Variants in SELENOI observed in about 807,000 individuals in gnomAD.
SELENOI encodes ethanolaminephosphotransferase 1.
Under a neutral mutation model 50.7 loss-of-function variants are expected in SELENOI, and 24 were observed. The ratio of observed to expected loss-of-function variants is 0.47; its 90% confidence interval spans 0.34 to 0.67. The LOEUF is 0.67. Ranked by LOEUF, SELENOI falls within the 30% of genes least tolerant of loss-of-function variation. SELENOI has a pLI of 0.01. For synonymous variants in SELENOI, 155 were observed against 170.2 expected, an observed-to-expected ratio of 0.91 and a Z score of 0.70; for missense variants, 352 against 461.4, an observed-to-expected ratio of 0.76 and a Z score of 2.17.
intron 1 of SELENOI, among the ~76,000 whole-genome samples, chr2:26,349,671 T>TG (rs1676910892): frequency 3.0e-4 from 1 of 3,384 alleles, no homozygotes; most frequent in South Asian, 0.021. Context: ...TGCAAGTTGG[T>TG]TTTTTTTTTT....
chr2:26,371,865 A>G (rs1293730349), intron 4 of SELENOI, among the ~76,000 whole-genome samples: 3 of 149,604 alleles, frequency 2.0e-5, no homozygotes, highest in African/African-American at 7.7e-5. Flanking sequence ...GAGGGAAACC[A>G]TGGGGAGAGG....
chr2:26,358,454 A>G (rs564192458), intron 1 of SELENOI, among the ~76,000 whole-genome samples: 2 of 152,298 alleles, frequency 1.3e-5, no homozygotes, highest in South Asian at 4.1e-4. Flanking sequence ...TCCTGGGCTC[A>G]AGTGATTCCC....
At chr2:26,353,136 G>A (rs1293819896) in intron 1 of SELENOI, among the ~76,000 whole-genome samples, 1 of 152,144 alleles carries the variant, frequency 6.6e-6, no homozygotes, top group African/African-American at 2.4e-5. Flanking sequence ...TCAGGTTCTG[G>A]TAGGATGACT....
intron 6 of SELENOI, among the ~76,000 whole-genome samples, chr2:26,382,668 C>T (rs1483677746): frequency 2.6e-5 from 4 of 151,978 alleles, no homozygotes; most frequent in East Asian, 3.9e-4. Flanking sequence ...AACCAGTGTG[C>T]GAATGGAAGT....
intron 9 of SELENOI, among the ~76,000 whole-genome samples, chr2:26,387,730 A>T (rs1299163225): frequency 2.6e-5 from 4 of 151,946 alleles, no homozygotes; most frequent in Non-Finnish European, 4.4e-5. Flanking sequence ...GAAAGAAAAA[A>T]AATGTTGGCA....
intron 1 of SELENOI, among the ~76,000 whole-genome samples, chr2:26,359,013 G>C (rs916457971): frequency 6.6e-6 from 1 of 152,176 alleles, no homozygotes; most frequent in Non-Finnish European, 1.5e-5. Context: ...ATTGTCTGAA[G>C]CAGGGGTTGT....
intron 1 of SELENOI, 68 bp downstream of exon 1, chr2:26,346,357 C>A: frequency 6.6e-7 from 1 of 1,510,548 alleles, no homozygotes; most frequent in South Asian, 1.3e-5. Context: ...GGGGCCCGCG[C>A]GGCGCGGTCC....
intron 5 of SELENOI, among the ~76,000 whole-genome samples, chr2:26,374,723 C>T (rs1006810569): frequency 6.6e-6 from 1 of 151,994 alleles, no homozygotes; most frequent in African/African-American, 2.4e-5. Flanking sequence ...CATGCGCCAC[C>T]ACGCCTGGCT....
chr2:26,386,317 C>CT (rs764068337), intron 8 of SELENOI, 37 bp from the exon 9 acceptor site: 4 of 1,578,922 alleles, frequency 2.5e-6, no homozygotes, highest in Admixed American at 1.9e-5. Context: ...TGAAATTTTT[C>CT]TTTTTTTCTC....
chr2:26,381,707 T>A (rs1677706852), intron 6 of SELENOI, among the ~76,000 whole-genome samples: 1 of 152,164 alleles, frequency 6.6e-6, no homozygotes. Flanking sequence ...TCAGGTGGTC[T>A]TCTCCTTCCT....
chr2:26,382,600 G>T (rs1677730350), intron 6 of SELENOI, among the ~76,000 whole-genome samples: 1 of 152,210 alleles, frequency 6.6e-6, no homozygotes, highest in Non-Finnish European at 1.5e-5. Context: ...GAGGACAGCA[G>T]AATCAATAGG....
At chr2:26,362,587 C>G (rs1677201790) in intron 1 of SELENOI, among the ~76,000 whole-genome samples, 1 of 151,614 alleles carries the variant, frequency 6.6e-6, no homozygotes, top group Non-Finnish European at 1.5e-5. Context: ...ATGGTGAAAC[C>G]CCGTCTCTAC....
chr2:26,368,468 G>C (rs1401381983), intron 4 of SELENOI, among the ~76,000 whole-genome samples: 1 of 152,160 alleles, frequency 6.6e-6, no homozygotes, highest in East Asian at 1.9e-4. Flanking sequence ...AAAAACCCTG[G>C]TCTGACATGA....
chr2:26,367,975 G>A (rs951300731), intron 4 of SELENOI, among the ~76,000 whole-genome samples: 1 of 152,058 alleles, frequency 6.6e-6, no homozygotes, highest in South Asian at 2.1e-4. Context: ...TAACTAAAAC[G>A]TTAAGTTTTG....
At chr2:26,351,065 T>TG (rs1558409937) in intron 1 of SELENOI, among the ~76,000 whole-genome samples, 2 of 148,900 alleles carry the variant, frequency 1.3e-5, no homozygotes, top group East Asian at 3.9e-4. Context: ...GTTTTTTTTT[T>TG]TTTTTTTTTT....
intron 1 of SELENOI, among the ~76,000 whole-genome samples, chr2:26,354,968 T>C (rs189586720): frequency 1.4e-4 from 22 of 152,354 alleles, no homozygotes; most frequent in African/African-American, 5.1e-4. Context: ...TGGACTAATA[T>C]TACGTTAAAA....
intron 1 of SELENOI, among the ~76,000 whole-genome samples, chr2:26,348,318 C>T (rs996695566): frequency 3.3e-5 from 5 of 152,132 alleles, no homozygotes; most frequent in Admixed American, 3.3e-4. Context: ...TCATGTGATG[C>T]TTTATAAGAG....
At chr2:26,371,668 G>C (rs895430757) in intron 4 of SELENOI, among the ~76,000 whole-genome samples, 1 of 152,246 alleles carries the variant, frequency 6.6e-6, no homozygotes, top group Admixed American at 6.5e-5. Context: ...AGACCAGCCC[G>C]GCCAACACAG....
At chr2:26,384,875 ATAAG>A in intron 7 of SELENOI, 80 bp from the exon 8 acceptor site, 2 of 939,654 alleles carry the variant, frequency 2.1e-6, no homozygotes, top group Non-Finnish European at 3.0e-6. Context: ...AAGTGTATAA[ATAAG>A]GAAACTATAA....
Sources: gnomAD v4.1 joint callset for allele counts (sites outside exome capture counted in the v4.1 genomes callset) on GRCh38, gnomAD v4.1.1 for gene constraint, MANE v1.5 for transcripts, NCBI Gene and HGNC (gene_info 2026-07-23, HGNC 2026-07-21) for gene names.